SEMA3A: variants seen among roughly 807,000 people sequenced by gnomAD.
The protein encoded by SEMA3A is semaphorin 3A.
SEMA3A carries 29 observed loss-of-function variants against 97.9 expected under a neutral mutation model. That is an observed-to-expected ratio of 0.30 (90% CI 0.22 to 0.40). The LOEUF (loss-of-function observed/expected upper bound fraction) is 0.40, where lower values mean the gene tolerates loss of function less well. Ranked by LOEUF, SEMA3A falls within the 10% of genes least tolerant of loss-of-function variation. The pLI, the probability that SEMA3A is intolerant of heterozygous loss-of-function variation, is 1.00. For missense variants in SEMA3A, 763 were observed against 951.3 expected (o/e 0.80, Z 2.60); for synonymous variants, 321 against 323.7 (o/e 0.99, Z 0.09).
rs145699116 is a variant in SEMA3A, at chr7:84,235,790, ACTGT to A, written c.-82-41126_-82-41123del. ...AGAGAACTCTAACATGGTCGAGTAT[ACTGT>A]CTTCATGAAAACATAGCTACTTTAG... On this transcript the variant is annotated intron_variant, in intron 3 of 3. Transcript: ENST00000424555. Among the ~76,000 whole-genome samples, 1,199 of 152,194 alleles carry A rather than the reference ACTGT, an allele frequency of 7.9e-3. 15 individuals carry two copies. Among genetic ancestry groups the A allele is most frequent in the African/African-American group, 0.027 (1,129 of 41,544 alleles).
intron 15 of SEMA3A, among the ~76,000 whole-genome samples, chr7:83,976,649 A>T (rs551413169): frequency 6.6e-6 from 1 of 151,968 alleles, no homozygotes; most frequent in Non-Finnish European, 1.5e-5. Context: ...CCCTACTAGT[A>T]ATTCAGTGTA....
chr7:84,035,248 A>G (rs1011018488), intron 6 of SEMA3A, among the ~76,000 whole-genome samples: 9 of 152,074 alleles, frequency 5.9e-5, no homozygotes, highest in Non-Finnish European at 1.0e-4. Context: ...ATGTAAATAG[A>G]AAGGCAATTT....
chr7:84,245,667 G>C (rs1042648267), intron 3 of SEMA3A, among the ~76,000 whole-genome samples: 7 of 151,826 alleles, frequency 4.6e-5, no homozygotes, highest in Non-Finnish European at 8.8e-5. Flanking sequence ...TGTTTGCCTG[G>C]GTAGCACCAG....
At chr7:84,242,846 G>T (rs1584160260) in intron 3 of SEMA3A, among the ~76,000 whole-genome samples, 1 of 152,108 alleles carries the variant, frequency 6.6e-6, no homozygotes, top group Non-Finnish European at 1.5e-5. Flanking sequence ...TAGCCTGAAG[G>T]GGTGTTGAAT....
intron 2 of SEMA3A, among the ~76,000 whole-genome samples, chr7:84,342,927 G>A (rs887504760): frequency 6.6e-6 from 1 of 152,138 alleles, no homozygotes; most frequent in South Asian, 2.1e-4. Context: ...TCCTGATTGT[G>A]CTTAGTGTAT....
chr7:84,012,237 G>A (rs566212492), intron 7 of SEMA3A, among the ~76,000 whole-genome samples: 10 of 152,086 alleles, frequency 6.6e-5, no homozygotes, highest in Non-Finnish European at 1.2e-4. Flanking sequence ...TTCTCGCCAC[G>A]AAGAATTATA....
intron 1 of SEMA3A, among the ~76,000 whole-genome samples, chr7:84,450,509 C>A (rs371337216): frequency 3.5e-4 from 53 of 152,316 alleles, no homozygotes; most frequent in Non-Finnish European, 6.0e-4. Context: ...GAGGAACACT[C>A]ATCTGTGATG....
At chr7:84,459,201 T>C (rs773049547) in intron 1 of SEMA3A, among the ~76,000 whole-genome samples, 1 of 152,194 alleles carries the variant, frequency 6.6e-6, no homozygotes, top group African/African-American at 2.4e-5. Context: ...AAAAAGCCCA[T>C]GTAAGATGAT....
At chr7:84,043,028 G>C (rs556314454) in intron 6 of SEMA3A, among the ~76,000 whole-genome samples, 4 of 151,840 alleles carry the variant, frequency 2.6e-5, no homozygotes, top group Admixed American at 1.3e-4. Flanking sequence ...ATAATACTGA[G>C]AGAATTTATG....
chr7:84,057,751 G>GATAAATAAATAAATAAATAA (rs71297135), intron 5 of SEMA3A, among the ~76,000 whole-genome samples: 2 of 142,638 alleles, frequency 1.4e-5, no homozygotes, highest in African/African-American at 2.6e-5. Context: ...GACAGAGCAA[G>GATAAATAAATAAATAAATAA]ATAAATAAAT....
intron 2 of SEMA3A, among the ~76,000 whole-genome samples, chr7:84,335,015 G>A (rs1400796128): frequency 1.3e-5 from 2 of 151,914 alleles, no homozygotes; most frequent in Non-Finnish European, 2.9e-5. Context: ...TTTCTAACAT[G>A]CTGTATATAT....
At chr7:84,170,490 ATC>A (rs1797352684) in intron 1 of SEMA3A, among the ~76,000 whole-genome samples, 1 of 151,984 alleles carries the variant, frequency 6.6e-6, no homozygotes, top group Non-Finnish European at 1.5e-5. Context: ...TGCAAATTTT[ATC>A]TGTTATTTAC....
At chr7:84,337,717 C>T (rs187230069) in intron 2 of SEMA3A, among the ~76,000 whole-genome samples, 45 of 152,230 alleles carry the variant, frequency 3.0e-4, no homozygotes, top group Non-Finnish European at 5.3e-4. Flanking sequence ...CTCCCTAGAT[C>T]CTTAAATGCT....
rs1554345528 is a variant in SEMA3A at position 84,203,527 on chromosome 7, T to TA, written c.-82-8860_-82-8859insT. The stretch of plus-strand genomic sequence containing the variant: ...GTATATATATATATATATATATATA[T>TA]TTTTTTTTTTTTTTTTTTTCTGAGA... On this transcript the variant is annotated intron_variant, in intron 3 of 3. Coordinates refer to the SEMA3A transcript ENST00000424555. 8.8e-3 allele frequency among the ~76,000 whole-genome samples: 261 copies of TA among 29,522 alleles called. 1 individual carries two copies. Among genetic ancestry groups the TA allele is most frequent in the African/African-American group, 0.03 (233 of 7,726 alleles). 19.4% of individuals were successfully genotyped at this position (29,522 alleles called of 152,430 possible).
intron 3 of SEMA3A, among the ~76,000 whole-genome samples, chr7:84,293,239 TACC>T (rs1449139636): frequency 3.3e-5 from 5 of 152,068 alleles, no homozygotes; most frequent in African/African-American, 1.2e-4. Context: ...GTTTTATCCG[TACC>T]CTATGCCATG....
intron 1 of SEMA3A, among the ~76,000 whole-genome samples, chr7:84,419,030 AC>A (rs1804516512): frequency 6.6e-6 from 1 of 152,032 alleles, no homozygotes. Context: ...ACTGACTAAT[AC>A]AATTGGTTTC....
At chr7:84,150,929 AC>A (rs1185540488) in intron 1 of SEMA3A, among the ~76,000 whole-genome samples, 1 of 148,946 alleles carries the variant, frequency 6.7e-6, no homozygotes, top group Non-Finnish European at 1.5e-5. Context: ...TGGGTCCCTG[AC>A]CCCTGACCCC....
intron 1 of SEMA3A, among the ~76,000 whole-genome samples, chr7:84,183,539 G>A (rs1797790945): frequency 6.6e-6 from 1 of 151,720 alleles, no homozygotes; most frequent in South Asian, 2.1e-4. Context: ...ATCAGTGTCT[G>A]CTTTGCCCAC....
chr7:84,150,521 T>A (rs1022417659), intron 1 of SEMA3A, among the ~76,000 whole-genome samples: 3 of 152,106 alleles, frequency 2.0e-5, no homozygotes, highest in African/African-American at 7.2e-5. Flanking sequence ...CCGAATACTG[T>A]GCTTTTCCGA....
Sources: allele counts gnomAD v4.1 joint callset (sites outside exome capture counted in the v4.1 genomes callset), GRCh38; gene constraint gnomAD v4.1.1; transcripts MANE v1.5; gene names NCBI Gene and HGNC (gene_info 2026-07-23, HGNC 2026-07-21).